The following DNAH11 variants were observed in gnomAD, a reference collection of about 807,000 sequenced individuals.
The protein encoded by DNAH11 is dynein axonemal heavy chain 11.
Under a neutral mutation model 526.0 loss-of-function variants are expected in DNAH11, and 442 were observed. That is an observed-to-expected ratio of 0.84 (90% CI 0.78 to 0.91). The LOEUF is 0.91. Among genes scored for constraint, DNAH11 ranks in the 40% least tolerant of loss-of-function variants. DNAH11 has a pLI of 0.00. For synonymous variants in DNAH11, 2,461 were observed against 1,935.9 expected (o/e 1.27, Z -7.12); for missense variants, 6,989 against 5,448.7 (o/e 1.28, Z -8.90).
At chr7:21,556,679 C>T (rs761089251) in intron 2 of DNAH11, among the ~76,000 whole-genome samples, 5 of 152,134 alleles carry the variant, frequency 3.3e-5, no homozygotes, top group Non-Finnish European at 7.4e-5. Context: ...TCCTTCCACC[C>T]TCCACCCTCA....
chr7:21,784,479 A>C lies in DNAH11; in HGVS notation c.9536A>C (p.Asp3179Ala), dbSNP rs1473568980. 1 of 1,613,582 alleles carries C rather than the reference A, an allele frequency of 6.2e-7. No individual in the cohort carries two copies. Among genetic ancestry groups the C allele is most frequent in the East Asian group, 2.2e-5 (1 of 44,832 alleles). Reference sequence around the variant, plus strand: ...CAGAAACAGAGAGAATGTGAAGCTGACTTACTCAAGGCTGAGCCTGCACTG... The same window carrying C: ...CAGAAACAGAGAGAATGTGAAGCTGCCTTACTCAAGGCTGAGCCTGCACTG... The part of the protein sequence containing the change: ...VFQKQRECEA[D>A]LLKAEPALVA... The change falls in exon 58 of 82, where the codon GAC (aspartate) becomes GCC (alanine). Residue 3179 changes from aspartate (D) to alanine (A), a missense_variant. Asp to Ala is a moderately radical substitution (Grantham distance 126). Coordinates refer to ENST00000409508, the MANE Select transcript of DNAH11 (RefSeq NM_001277115.2).
intron 21 of DNAH11, 147 bp from the exon 22 acceptor site, chr7:21,616,061 GA>G: frequency 1.6e-6 from 1 of 607,190 alleles, no homozygotes; most frequent in Non-Finnish European, 2.9e-6. Flanking sequence ...TGGTGATAGG[GA>G]AGTTTTGACA....
At chr7:21,619,335 C>T (rs1027166349) in intron 24 of DNAH11, 113 bp downstream of exon 24, 3 of 1,265,324 alleles carry the variant, frequency 2.4e-6, no homozygotes, top group African/African-American at 3.0e-5. Context: ...AGATGAGTCC[C>T]AGTTTGTTCC....
intron 54 of DNAH11, 128 bp downstream of exon 54, chr7:21,750,492 A>G (rs1786367053): frequency 4.0e-6 from 5 of 1,240,536 alleles, no homozygotes; most frequent in Non-Finnish European, 5.6e-6. Context: ...GTGCATTTTT[A>G]CACGCCTGTA....
Position 21,901,440 on chromosome 7 carries a change from T to G in DNAH11, c.*186T>G. On this transcript the variant is annotated 3_prime_UTR_variant, in exon 82 of 82. Transcript: ENST00000409508. Reference sequence around the variant, plus strand: ...GAAACTAACTCAGGGCTGAGCGTGGTGGCACACGACTGTAATCCCAGTTAC... The same window carrying G: ...GAAACTAACTCAGGGCTGAGCGTGGGGGCACACGACTGTAATCCCAGTTAC... 1.3e-6 allele frequency: 1 copy of G among 789,318 alleles called. No homozygotes were observed. The highest frequency in any genetic ancestry group is 1.8e-6 in the Non-Finnish European group (1 of 568,380). 48.9% of individuals were successfully genotyped at this position (789,318 alleles called of 1,614,324 possible).
chr7:21,619,838 A>G (rs1284700668), intron 24 of DNAH11, 118 bp from the exon 25 acceptor site: 11 of 964,716 alleles, frequency 1.1e-5, no homozygotes, highest in Non-Finnish European at 1.5e-5. Context: ...ACTCAAGCCA[A>G]TAATACTTGA....
In DNAH11 at chr7:21,899,459, A is replaced by AC; in HGVS notation, c.13162+12dup. 6.2e-7 allele frequency: 1 copy of AC among 1,602,978 alleles called. No homozygotes were observed. Among genetic ancestry groups the AC allele is most frequent in the African/African-American group, 1.3e-5 (1 of 74,772 alleles). On this transcript the variant is annotated intron_variant, in intron 80 of 81. Transcript: ENST00000409508. Reference sequence around the variant, plus strand: ...AGTCCTTCTTAACTGGTAAGGGCTGACGCAGTGCAGCCCCTGATGCACACA... The same window carrying AC: ...AGTCCTTCTTAACTGGTAAGGGCTGACCGCAGTGCAGCCCCTGATGCACACA...
intron 45 of DNAH11, among the ~76,000 whole-genome samples, chr7:21,734,749 T>C (rs1329706522): frequency 6.6e-6 from 1 of 152,038 alleles, no homozygotes; most frequent in Non-Finnish European, 1.5e-5. Flanking sequence ...TCTCAGCTAC[T>C]TGGGAGGCTG....
chr7:21,729,528 C>G (rs187928477), intron 45 of DNAH11, among the ~76,000 whole-genome samples: 1 of 152,262 alleles, frequency 6.6e-6, no homozygotes, highest in East Asian at 1.9e-4. Flanking sequence ...TTTCATTTTG[C>G]TAGCAATAAG....
chr7:21,682,525 C>CAA (rs60337481), intron 31 of DNAH11, among the ~76,000 whole-genome samples: 59 of 95,902 alleles, frequency 6.2e-4, no homozygotes, highest in East Asian at 1.0e-3. Flanking sequence ...GACTCCATCT[C>CAA]AAAAAAAAAA....
At chr7:21,618,665 C>G (rs1733749876) in intron 23 of DNAH11, among the ~76,000 whole-genome samples, 1 of 152,020 alleles carries the variant, frequency 6.6e-6, no homozygotes, top group African/African-American at 2.4e-5. Flanking sequence ...AGTGATAAAA[C>G]TAGGTTAAAT....
At chr7:21,867,777 G>A (rs1265238184) in intron 71 of DNAH11, 82 bp from the exon 72 acceptor site, 1 of 1,321,578 alleles carries the variant, frequency 7.6e-7, no homozygotes, top group Non-Finnish European at 1.1e-6. Context: ...TCGTGTGCCT[G>A]TGTGGTTTAA....
Position 21,852,611 on chromosome 7 carries a change from G to A in DNAH11, c.11041G>A (p.Val3681Met), listed in dbSNP as rs371617349. 15 of 1,601,022 alleles carry A rather than the reference G, an allele frequency of 9.4e-6. No individual in the cohort carries two copies. Among genetic ancestry groups the A allele is most frequent in the African/African-American group, 4.0e-5 (3 of 74,220 alleles). ...VERLEATKTT[V>M]AEIEHKVIEA... Reference sequence around the variant, plus strand: ...GAGATTGGAGGCAACAAAGACCACCGTGGCAGAGATAGAGCACAAGGTAGG... The same window carrying A: ...GAGATTGGAGGCAACAAAGACCACCATGGCAGAGATAGAGCACAAGGTAGG... Residue 3681 changes from valine (V) to methionine (M), a missense_variant, in exon 67 of 82, where the codon GTG becomes ATG. By Grantham distance (21) the Val-to-Met change is conservative. Coordinates refer to ENST00000409508, the MANE Select transcript of DNAH11 (RefSeq NM_001277115.2).
chr7:21,734,111 C>G (rs1435743152), intron 45 of DNAH11, among the ~76,000 whole-genome samples: 2 of 152,200 alleles, frequency 1.3e-5, no homozygotes, highest in Non-Finnish European at 2.9e-5. Context: ...AAAGAGAGGT[C>G]AGGCTCTGTC....
At position 21,894,647 on chromosome 7, in the gene DNAH11, T is replaced by C; in HGVS notation, c.12775T>C (p.Leu4259=). The C allele has an allele frequency of 1.9e-6, 3 of 1,613,872 alleles. No individual in the cohort carries two copies. The highest frequency in any genetic ancestry group is 2.5e-6 in the Non-Finnish European group (3 of 1,179,866). ...GGTTAAGAATGTCTTGGATGACATT[T>C]TGGAGAAACTTCCAGAAGAGTTCAA... is the stretch of plus-strand genomic sequence containing the variant. The part of the protein sequence containing the change: ...EKVKNVLDDI[L]EKLPEEFNMA... The change falls in exon 78 of 82, where the codon TTG becomes CTG. Residue 4259 remains leucine (L), a synonymous_variant. Transcript: ENST00000409508.
chr7:21,895,971 T>C (rs1489824592), intron 79 of DNAH11, among the ~76,000 whole-genome samples: 2 of 152,068 alleles, frequency 1.3e-5, no homozygotes, highest in Admixed American at 1.3e-4. Context: ...CCTCATGATC[T>C]GCCCGCCTCA....
intron 32 of DNAH11, 85 bp downstream of exon 32, chr7:21,684,029 G>T: frequency 7.8e-7 from 1 of 1,279,544 alleles, no homozygotes; most frequent in Admixed American, 2.2e-5. Context: ...GGAATGAGAG[G>T]AAACGATGAA....
chr7:21,779,163 G>T (rs546733342), intron 57 of DNAH11, 59 bp downstream of exon 57: 731 of 1,540,922 alleles, frequency 4.7e-4, no homozygotes, highest in Non-Finnish European at 6.0e-4. Flanking sequence ...ATAAACCTTG[G>T]TAGGTGAACA....
chr7:21,762,673 G>A (rs1157464276), intron 54 of DNAH11, among the ~76,000 whole-genome samples: 3 of 152,114 alleles, frequency 2.0e-5, no homozygotes, highest in Admixed American at 6.5e-5. Flanking sequence ...TGATTACTCA[G>A]CTTATGCAAC....
Sources: gnomAD v4.1 joint callset for allele counts (sites outside exome capture counted in the v4.1 genomes callset) on GRCh38, gnomAD v4.1.1 for gene constraint, MANE v1.5 for transcripts, NCBI Gene and HGNC (gene_info 2026-07-23, HGNC 2026-07-21) for gene names.